The following MINDY4 variants were observed in gnomAD, a reference collection of about 807,000 sequenced individuals.
The protein encoded by MINDY4 is MINDY lysine 48 deubiquitinase 4, also known as probable ubiquitin carboxyl-terminal hydrolase MINDY-4.
MINDY4 carries 68 observed loss-of-function variants against 87.0 expected under a neutral mutation model. The ratio of observed to expected loss-of-function variants is 0.78; its 90% CI spans 0.64 to 0.96. The LOEUF (loss-of-function observed/expected upper bound fraction) is 0.96, where lower values mean the gene tolerates loss of function less well. MINDY4 is among the 40% of genes least tolerant of loss of function. MINDY4 has a pLI of 0.00. For missense variants in MINDY4, 919 were observed against 928.2 expected (o/e 0.99, Z 0.13); for synonymous variants, 379 against 363.2 (o/e 1.04, Z -0.50).
intron 5 of MINDY4, among the ~76,000 whole-genome samples, chr7:30,795,319 T>C (rs537458876): frequency 6.6e-6 from 1 of 152,340 alleles, no homozygotes; most frequent in Admixed American, 6.5e-5. Flanking sequence ...ACTGTGGTCA[T>C]GAATTGAGAA....
At chr7:30,779,265 T>G (rs1273181829) in intron 2 of MINDY4, among the ~76,000 whole-genome samples, 1 of 152,254 alleles carries the variant, frequency 6.6e-6, no homozygotes, top group African/African-American at 2.4e-5. Flanking sequence ...GCAGTCTTTT[T>G]TGTTCACTAT....
chr7:30,843,355 G>A (rs998467968), intron 9 of MINDY4, among the ~76,000 whole-genome samples: 1 of 152,162 alleles, frequency 6.6e-6, no homozygotes, highest in Non-Finnish European at 1.5e-5. Context: ...GCAGGTCAGC[G>A]CCAGGCTGCC....
chr7:30,872,104 G>A (rs1004067341), intron 13 of MINDY4, 139 bp from the exon 14 acceptor site: 3 of 781,976 alleles, frequency 3.8e-6, no homozygotes, highest in African/African-American at 1.7e-5. Flanking sequence ...GGAGGGCACA[G>A]AACAGAGCGC....
In MINDY4 at chr7:30,791,268, A is replaced by G; in HGVS notation, c.767A>G (p.Gln256Arg). ...RKVPELFVCT[Q>R]QDILASSNSS... ...GTCCCTGAGCTCTTTGTCTGCACCC[A>G]ACAGGACATTCTGGCTTCGAGCAAC... Residue 256 changes from glutamine to arginine, a missense_variant, in exon 5 of 18, where the codon CAA becomes CGA. Transcript: ENST00000265299. The G allele has an allele frequency of 6.2e-7, 1 of 1,614,108 alleles. No individual in the cohort carries two copies. The highest frequency in any genetic ancestry group is 8.5e-7 in the Non-Finnish European group (1 of 1,180,000).
At chr7:30,784,771 A>G (rs1468247714) in intron 3 of MINDY4, among the ~76,000 whole-genome samples, 2 of 152,156 alleles carry the variant, frequency 1.3e-5, no homozygotes, top group East Asian at 1.9e-4. Flanking sequence ...TCTGCCTGAC[A>G]TGCCGCAATC....
At chr7:30,783,084 T>C (rs12701029) in intron 3 of MINDY4, among the ~76,000 whole-genome samples, 47,477 of 152,122 alleles carry the variant, frequency 0.31, 7,767 homozygotes, top group African/African-American at 0.36. Flanking sequence ...CTTACAGTTC[T>C]GGAGGTCTGA....
intron 4 of MINDY4, chr7:30,786,688 A>G (rs1787166952): frequency 6.6e-6 from 1 of 151,792 alleles, no homozygotes. Context: ...AAAACACAAT[A>G]GTCAAAAGGG....
chr7:30,833,011 A>G (rs1788753643), intron 6 of MINDY4, among the ~76,000 whole-genome samples: 1 of 152,120 alleles, frequency 6.6e-6, no homozygotes, highest in Non-Finnish European at 1.5e-5. Flanking sequence ...TTTTTACTTG[A>G]CATAGATAGC....
At chr7:30,854,966 G>A (rs886071953) in intron 12 of MINDY4, among the ~76,000 whole-genome samples, 3 of 152,242 alleles carry the variant, frequency 2.0e-5, no homozygotes, top group Admixed American at 6.5e-5. Flanking sequence ...CTGTCCAGGC[G>A]CATGGGAGAA....
At chr7:30,777,716 G>A (rs907297176) in intron 1 of MINDY4, among the ~76,000 whole-genome samples, 1 of 152,214 alleles carries the variant, frequency 6.6e-6, no homozygotes, top group Non-Finnish European at 1.5e-5. Flanking sequence ...TGTTGGTGAG[G>A]CATGTTCTCA....
chr7:30,785,402 C>T (rs1259208786), intron 3 of MINDY4, among the ~76,000 whole-genome samples: 1 of 152,170 alleles, frequency 6.6e-6, no homozygotes, highest in African/African-American at 2.4e-5. Context: ...CAAGGCTGGG[C>T]TTCGCATACC....
intron 13 of MINDY4, among the ~76,000 whole-genome samples, chr7:30,868,305 C>G (rs1466959955): frequency 6.6e-6 from 1 of 152,140 alleles, no homozygotes; most frequent in African/African-American, 2.4e-5. Flanking sequence ...GAGTCCTAGT[C>G]CTGCCTACTC....
chr7:30,885,329 A>G (rs1434893097), intron 17 of MINDY4, among the ~76,000 whole-genome samples: 3 of 152,090 alleles, frequency 2.0e-5, no homozygotes. Flanking sequence ...AGACCAGCCT[A>G]ACCAACATGG....
intron 5 of MINDY4, among the ~76,000 whole-genome samples, chr7:30,823,657 C>T (rs1346234047): frequency 6.6e-6 from 1 of 151,934 alleles, no homozygotes; most frequent in Admixed American, 6.6e-5. Flanking sequence ...TAAAAAGTTT[C>T]TCTAATCTTT....
rs572709650 is a variant in MINDY4, at chr7:30,839,421, A to C, written c.1356+105A>C. On this transcript the variant is annotated intron_variant, in intron 8 of 17. Transcript: ENST00000265299. ...TAATCCTGTGAGCATTAGCTGAGCT[A>C]TTCTGGACCAGCCAGCCCCACATGT... 4 of 648,554 alleles carry C rather than the reference A, an allele frequency of 6.2e-6. No homozygotes were observed. The East Asian group carries it at 1.1e-4, about 18-fold the overall frequency. 40.2% of individuals were successfully genotyped at this position (648,554 alleles called of 1,614,324 possible).
In MINDY4 at chr7:30,833,747, A is replaced by G. The variant is rs537865940; in HGVS notation, c.1133-2911A>G. ...AAAGCAAGTTAGTTACTTCCTAGATACAATGGGGGTACAGGCAGTGGGAAA... is the reference window on the plus strand; with the variant it reads ...AAAGCAAGTTAGTTACTTCCTAGATGCAATGGGGGTACAGGCAGTGGGAAA... On this transcript the variant is annotated intron_variant, in intron 6 of 17. Transcript: ENST00000265299. Among the ~76,000 whole-genome samples, 7 of 152,390 alleles carry G rather than the reference A, an allele frequency of 4.6e-5. No homozygotes were observed. In the East Asian group the frequency reaches 1.3e-3, roughly 29 times the overall value.
chr7:30,861,751 T>C (rs1012114014), intron 13 of MINDY4, among the ~76,000 whole-genome samples: 4 of 152,226 alleles, frequency 2.6e-5, no homozygotes, highest in Non-Finnish European at 4.4e-5. Flanking sequence ...CAGATGGCTC[T>C]GTGTGTCTTC....
intron 5 of MINDY4, among the ~76,000 whole-genome samples, chr7:30,793,315 G>T (rs1189776658): frequency 6.6e-6 from 1 of 150,794 alleles, no homozygotes; most frequent in Non-Finnish European, 1.5e-5. Flanking sequence ...AATAATTATG[G>T]CATTTATATT....
At chr7:30,777,493 CCT>C (rs1298790934) in intron 1 of MINDY4, among the ~76,000 whole-genome samples, 4 of 152,154 alleles carry the variant, frequency 2.6e-5, no homozygotes, top group African/African-American at 4.8e-5. Context: ...CCTCCTCTTT[CCT>C]CTGTTTGTTT....
Sources: gnomAD v4.1 joint callset for allele counts (sites outside exome capture counted in the v4.1 genomes callset) on GRCh38, gnomAD v4.1.1 for gene constraint, MANE v1.5 for transcripts, NCBI Gene and HGNC (gene_info 2026-07-23, HGNC 2026-07-21) for gene names.